DPYD: variants seen among roughly 807,000 people sequenced by gnomAD.
DPYD encodes the protein dihydropyrimidine dehydrogenase [NADP(+)].
Under a neutral mutation model 116.2 loss-of-function variants are expected in DPYD, and 109 were observed. The ratio of observed to expected loss-of-function variants is 0.94; its 90% CI spans 0.80 to 1.10. DPYD has a LOEUF of 1.10. Among genes scored for constraint, DPYD ranks in the 50% least tolerant of loss-of-function variants. DPYD has a pLI of 0.00. For synonymous variants in DPYD, 440 were observed against 432.0 expected (o/e 1.02, Z -0.23); for missense variants, 1,302 against 1,254.5 (o/e 1.04, Z -0.57).
intron 3 of DPYD, among the ~76,000 whole-genome samples, chr1:97,750,125 T>C (rs910805124): frequency 6.6e-6 from 1 of 152,118 alleles, no homozygotes; most frequent in Non-Finnish European, 1.5e-5. Flanking sequence ...ATATTTTTCA[T>C]AGATGCCCTA....
At chr1:97,304,858 T>C (rs1667065092) in intron 18 of DPYD, among the ~76,000 whole-genome samples, 1 of 151,966 alleles carries the variant, frequency 6.6e-6, no homozygotes, top group South Asian at 2.1e-4. Flanking sequence ...GACAAGGTTT[T>C]TGAAGAAGGT....
At chr1:97,307,657 A>T (rs906888023) in intron 16 of DPYD, among the ~76,000 whole-genome samples, 2 of 151,918 alleles carry the variant, frequency 1.3e-5, no homozygotes, top group African/African-American at 4.8e-5. Flanking sequence ...ATTAAACATA[A>T]ATATTAAAAA....
At chr1:97,710,617 TAAA>T (rs1403722677) in intron 5 of DPYD, among the ~76,000 whole-genome samples, 1 of 151,768 alleles carries the variant, frequency 6.6e-6, no homozygotes, top group East Asian at 1.9e-4. Context: ...ACTGGCAGGT[TAAA>T]AATACTGTGT....
chr1:97,497,069 A>T (rs1679306577), intron 13 of DPYD, among the ~76,000 whole-genome samples: 1 of 151,862 alleles, frequency 6.6e-6, no homozygotes, highest in South Asian at 2.1e-4. Context: ...TTTAACACTC[A>T]CAGTCTGTGC....
chr1:97,524,854 T>C (rs1037656347), intron 12 of DPYD, among the ~76,000 whole-genome samples: 2 of 152,212 alleles, frequency 1.3e-5, no homozygotes, highest in African/African-American at 2.4e-5. Context: ...TTCTGATTTG[T>C]ATTTTAAACT....
intron 18 of DPYD, among the ~76,000 whole-genome samples, chr1:97,272,667 G>C (rs1026255091): frequency 1.3e-5 from 2 of 152,018 alleles, no homozygotes; most frequent in Admixed American, 1.3e-4. Context: ...TGTTTAAAAA[G>C]GTTAATCTTT....
intron 19 of DPYD, among the ~76,000 whole-genome samples, chr1:97,205,396 C>T (rs565884766): frequency 4.0e-5 from 6 of 151,716 alleles, no homozygotes; most frequent in South Asian, 2.1e-4. Context: ...TCCAATATGT[C>T]GTATAATTGA....
intron 4 of DPYD, among the ~76,000 whole-genome samples, chr1:97,736,872 G>GTGTGTGTGTGTGTGTGTGTGTT (rs1663980748): frequency 2.6e-5 from 4 of 151,524 alleles, no homozygotes; most frequent in Admixed American, 2.6e-4. Flanking sequence ...GTGTGTGTGT[G>GTGTGTGTGTGTGTGTGTGTGTT]TGTGTGTGTG....
Position 97,382,415 on chromosome 1 carries a change from G to A in DPYD, c.1952C>T (p.Thr651Met), listed in dbSNP as rs765990958. The change falls in exon 15 of 23, where the codon ACG becomes ATG. Residue 651 changes from threonine (T) to methionine (M), a missense_variant. Thr to Met is a moderately conservative substitution (Grantham distance 81, BLOSUM62 -1). Transcript: ENST00000370192. ...IMCSYNKNDW[T>M]ELAKKSEDSG... The stretch of plus-strand genomic sequence containing the variant: ...TACCTCAGACTTCTTGGCAAGTTCC[G>A]TCCAGTCATTTTTATTGTAACTGCA... 1.4e-5 allele frequency: 22 copies of A among 1,597,682 alleles called. No individual in the cohort carries two copies. The highest frequency in any genetic ancestry group is 3.4e-4 in the Middle Eastern group (2 of 5,888).
chr1:97,399,983 A>G (rs569050478), intron 14 of DPYD, among the ~76,000 whole-genome samples: 1 of 152,262 alleles, frequency 6.6e-6, no homozygotes, highest in South Asian at 2.1e-4. Flanking sequence ...TTCCAGCACT[A>G]TGTTGAATAG....
At chr1:97,274,576 G>A (rs1664816753) in intron 18 of DPYD, among the ~76,000 whole-genome samples, 1 of 152,072 alleles carries the variant, frequency 6.6e-6, no homozygotes, top group Non-Finnish European at 1.5e-5. Flanking sequence ...TTTATAGCAA[G>A]GCGAAATGGA....
intron 8 of DPYD, among the ~76,000 whole-genome samples, chr1:97,661,778 A>G (rs938143883): frequency 2.6e-5 from 4 of 152,012 alleles, no homozygotes; most frequent in Admixed American, 6.6e-5. Context: ...AAAACAAGCT[A>G]TATGTTAATT....
intron 13 of DPYD, among the ~76,000 whole-genome samples, chr1:97,515,045 C>T (rs1424120880): frequency 6.6e-6 from 1 of 151,828 alleles, no homozygotes; most frequent in Non-Finnish European, 1.5e-5. Context: ...AATAAATGGT[C>T]TAAAAATGTT....
rs1447199348 is a variant in DPYD, at chr1:97,291,811, C to T, written c.2299+13448G>A. ...ATGTAGCTAAACTGCACATTGTGCA[C>T]ATGTACCCTAAAACTTAAAGTATAA... On this transcript the variant is annotated intron_variant, in intron 18 of 22. Transcript: ENST00000370192. Among the ~76,000 whole-genome samples, 3 of 152,056 alleles carry T rather than the reference C, an allele frequency of 2.0e-5. No homozygotes were observed. In the East Asian group the frequency reaches 5.8e-4, roughly 29 times the overall value.
intron 5 of DPYD, chr1:97,720,011 T>A: frequency 2.0e-6 from 2 of 985,020 alleles, no homozygotes; most frequent in Non-Finnish European, 2.4e-6. Context: ...CATGTCTCTG[T>A]CTTAAATAGA....
At chr1:97,618,649 A>G (rs1656446816) in intron 8 of DPYD, among the ~76,000 whole-genome samples, 1 of 152,188 alleles carries the variant, frequency 6.6e-6, no homozygotes, top group African/African-American at 2.4e-5. Flanking sequence ...GCGCCAGTCT[A>G]TGGCTACACA....
chr1:97,503,894 A>T (rs1285222455), intron 13 of DPYD, among the ~76,000 whole-genome samples: 1 of 152,076 alleles, frequency 6.6e-6, no homozygotes, highest in Non-Finnish European at 1.5e-5. Context: ...TTCAATATGG[A>T]TATTATTAAT....
At chr1:97,382,494 A>C in intron 14 of DPYD, 33 bp from the exon 15 acceptor site, 3 of 1,368,958 alleles carry the variant, frequency 2.2e-6, no homozygotes, top group Non-Finnish European at 3.1e-6. Flanking sequence ...ATATAAGTTC[A>C]AGTAGTTATC....
At chr1:97,154,020 A>T (rs1334633918) in intron 20 of DPYD, among the ~76,000 whole-genome samples, 2 of 152,062 alleles carry the variant, frequency 1.3e-5, no homozygotes, top group African/African-American at 4.8e-5. Flanking sequence ...GATGTGATGA[A>T]AAGGGAACAC....
Sources: allele counts gnomAD v4.1 joint callset (sites outside exome capture counted in the v4.1 genomes callset), GRCh38; gene constraint gnomAD v4.1.1; transcripts MANE v1.5; gene names NCBI Gene and HGNC (gene_info 2026-07-23, HGNC 2026-07-21).